LIFR: variants seen among roughly 807,000 people sequenced by gnomAD.
The protein encoded by LIFR is LIF receptor subunit alpha.
Under a neutral mutation model 122.2 loss-of-function variants are expected in LIFR, and 84 were observed. That is an observed-to-expected ratio of 0.69 (90% confidence interval 0.58 to 0.82). The LOEUF (loss-of-function observed/expected upper bound fraction) is 0.82. Ranked by LOEUF, LIFR falls within the 40% of genes least tolerant of loss-of-function variation. The pLI, the probability that LIFR is intolerant of heterozygous loss-of-function variation, is 0.00. For missense variants in LIFR, 1,294 were observed against 1,311.6 expected (o/e 0.99, Z 0.21); for synonymous variants, 422 against 434.7 (o/e 0.97, Z 0.36).
chr5:38,529,468 T>C (rs568611405), intron 2 of LIFR, among the ~76,000 whole-genome samples: 1 of 152,250 alleles, frequency 6.6e-6, no homozygotes, highest in South Asian at 2.1e-4. Context: ...TGAGTTCATT[T>C]GAGAAATATA....
rs1247962005 is a variant in LIFR, at chr5:38,476,058, C to T, written c.*5537G>A. 1.0e-5 allele frequency: 2 copies of T among 199,402 alleles called. No individual in the cohort carries two copies. The highest frequency in any genetic ancestry group is 2.1e-5 in the Non-Finnish European group (2 of 96,498). The allele number at this position is 199,402 out of a possible 1,614,324, so 12.4% of individuals were successfully genotyped here. A position where few individuals can be genotyped will look rare whatever the true frequency, so the allele number is the denominator to read the frequency against. ...TTCTTTTTCGTGTTGTCTCCCGCTA[C>T]TCACAATGTTATTCATATTTTTCCT... On this transcript the variant is annotated 3_prime_UTR_variant, in exon 20 of 20. Transcript: ENST00000453190.
In LIFR at chr5:38,480,114, A is replaced by C. The variant is rs2112347192; in HGVS notation, c.*1481T>G. 8.8e-6 allele frequency: 2 copies of C among 228,144 alleles called. No homozygotes were observed. Among genetic ancestry groups the C allele is most frequent in the East Asian group, 1.3e-4 (2 of 15,680 alleles). The allele number at this position is 228,144 out of a possible 1,614,324, so 14.1% of individuals were successfully genotyped here. ...TACATTACAGAATCTCAGATGATAA[A>C]AAACAAACAAACAACCAAAAAAAAC... On this transcript the variant is annotated 3_prime_UTR_variant, in exon 20 of 20. Coordinates refer to ENST00000453190, the MANE Select transcript of LIFR (RefSeq NM_001127671.2).
intron 7 of LIFR, among the ~76,000 whole-genome samples, chr5:38,509,078 G>A (rs1054766250): frequency 6.6e-5 from 10 of 152,130 alleles, no homozygotes; most frequent in Non-Finnish European, 1.3e-4. Flanking sequence ...CGTTATAAAT[G>A]AAGGTTAAAC....
At chr5:38,517,941 T>TG (rs1746187096) in intron 5 of LIFR, among the ~76,000 whole-genome samples, 1 of 81,822 alleles carries the variant, frequency 1.2e-5, no homozygotes, top group African/African-American at 6.1e-5. Flanking sequence ...CCCATCTCTA[T>TG]GAAAAAAAAA....
At position 38,518,602 on chromosome 5, in the gene LIFR, A is replaced by G. The variant is rs577978384; in HGVS notation, c.561+4817T>C. Among the ~76,000 whole-genome samples, 19 of 152,382 alleles carry G rather than the reference A, an allele frequency of 1.2e-4. No homozygotes were observed. In the South Asian group the frequency reaches 3.7e-3, roughly 30 times the overall value. On this transcript the variant is annotated intron_variant, in intron 5 of 19. Transcript: ENST00000453190. ...ATAACAAACATACTGTGCTGCTGGT[A>G]TAAGAGTATAACACATATAATTGTG...
chr5:38,580,908 T>G (rs2112739605), intron 1 of LIFR, among the ~76,000 whole-genome samples: 1 of 152,232 alleles, frequency 6.6e-6, no homozygotes, highest in Non-Finnish European at 1.5e-5. Context: ...TATTACCACT[T>G]TCTAGGCTTC....
chr5:38,508,876 A>G (rs1411203959), intron 7 of LIFR, among the ~76,000 whole-genome samples: 3 of 151,942 alleles, frequency 2.0e-5, no homozygotes, highest in East Asian at 1.9e-4. Context: ...AAGCCACCAC[A>G]CCCGGCCTAA....
chr5:38,572,905 C>T (rs1326152730), intron 1 of LIFR, among the ~76,000 whole-genome samples: 2 of 152,264 alleles, frequency 1.3e-5, no homozygotes, highest in East Asian at 3.8e-4. Context: ...CTTCCCTACA[C>T]ACTACGAAAC....
intron 5 of LIFR, among the ~76,000 whole-genome samples, chr5:38,522,335 T>G (rs569242697): frequency 6.6e-6 from 1 of 152,254 alleles, no homozygotes; most frequent in African/African-American, 2.4e-5. Flanking sequence ...CTTCCCTGCT[T>G]TAGGTGCTTC....
rs576086135 is a variant in LIFR at position 38,507,804 on chromosome 5, T to C, written c.992-1172A>G. ...TCTGAATTAAAAAAAAAATACTCCT[T>C]AGTTTATCAACCAAAACTTGGAAAA... On this transcript the variant is annotated intron_variant, in intron 7 of 19. Transcript: ENST00000453190. 1.6e-4 allele frequency among the ~76,000 whole-genome samples: 25 copies of C among 152,180 alleles called. No individual in the cohort carries two copies. The South Asian group carries it at 5.2e-3, about 32-fold the overall frequency.
chr5:38,494,041 A>C (rs1230519060), intron 13 of LIFR, among the ~76,000 whole-genome samples: 2 of 152,190 alleles, frequency 1.3e-5, no homozygotes, highest in Non-Finnish European at 2.9e-5. Flanking sequence ...GCCTAGGATC[A>C]GGTAGTGACA....
At chr5:38,583,581 A>T (rs976168347) in intron 1 of LIFR, among the ~76,000 whole-genome samples, 4 of 152,248 alleles carry the variant, frequency 2.6e-5, no homozygotes, top group Non-Finnish European at 4.4e-5. Context: ...CCCAAAATTT[A>T]TAAAGAACAT....
Position 38,511,820 on chromosome 5 carries a change from T to C in LIFR, c.706A>G (p.Ser236Gly). The C allele has an allele frequency of 6.2e-7, 1 of 1,614,062 alleles. No individual in the cohort carries two copies. Among genetic ancestry groups the C allele is most frequent in the Non-Finnish European group, 8.5e-7 (1 of 1,179,962 alleles). ...ATGTTCTTCACAGGGCTCCAGTCAC[T>C]CCACTCTTCGAGACCAGAAAAATGA... ...NLHFSGLEEW[S>G]DWSPVKNISW... The change falls in exon 6 of 20, where the codon AGT becomes GGT. Residue 236 changes from serine (S) to glycine (G), a missense_variant. Physicochemically the swap from Ser to Gly is moderately conservative, Grantham distance 56. Transcript: ENST00000453190.
At chr5:38,527,798 G>A (rs1247056967) in intron 3 of LIFR, among the ~76,000 whole-genome samples, 1 of 152,122 alleles carries the variant, frequency 6.6e-6, no homozygotes, top group East Asian at 1.9e-4. Context: ...TATCTCTTAG[G>A]CAAAATGATA....
At chr5:38,575,664 G>A (rs1749362287) in intron 1 of LIFR, among the ~76,000 whole-genome samples, 1 of 152,122 alleles carries the variant, frequency 6.6e-6, no homozygotes, top group South Asian at 2.1e-4. Flanking sequence ...GTGGTTTGGG[G>A]CACAAATTAA....
At chr5:38,560,853 C>T (rs1748811306), upstream of LIFR, among the ~76,000 whole-genome samples, 1 of 152,098 alleles carries the variant, frequency 6.6e-6, no homozygotes, top group Non-Finnish European at 1.5e-5. Context: ...ACCTCGGCCT[C>T]CCAAAGTGTT....
intron 1 of LIFR, among the ~76,000 whole-genome samples, chr5:38,582,093 C>G (rs1435873061): frequency 6.8e-6 from 1 of 147,600 alleles, no homozygotes; most frequent in Non-Finnish European, 1.5e-5. Context: ...ATGGTGTCCT[C>G]TCTGTTGCCC....
chr5:38,483,127 T>C (rs1321534938), intron 18 of LIFR, among the ~76,000 whole-genome samples: 2 of 151,524 alleles, frequency 1.3e-5, no homozygotes, highest in African/African-American at 4.9e-5. Flanking sequence ...AAAATGAGAT[T>C]TGCCTTTACC....
In LIFR at chr5:38,480,124, A is replaced by G. The variant is rs1202629163; in HGVS notation, c.*1471T>C. 1 of 228,326 alleles carries G rather than the reference A, an allele frequency of 4.4e-6. No individual in the cohort carries two copies. The highest frequency in any genetic ancestry group is 8.7e-6 in the Non-Finnish European group (1 of 115,228). 14.1% of individuals were successfully genotyped at this position (228,326 alleles called of 1,614,324 possible). A position where few individuals can be genotyped will look rare whatever the true frequency, so the allele number is the denominator to read the frequency against. On this transcript the variant is annotated 3_prime_UTR_variant, in exon 20 of 20. Transcript: ENST00000453190. ...AATCTCAGATGATAAAAAACAAACA[A>G]ACAACCAAAAAAAACAAACAAAAAA...
Sources: gnomAD v4.1 joint callset for allele counts (sites outside exome capture counted in the v4.1 genomes callset) on GRCh38, gnomAD v4.1.1 for gene constraint, MANE v1.5 for transcripts, NCBI Gene and HGNC (gene_info 2026-07-23, HGNC 2026-07-21) for gene names.